The following SLC24A3 variants were observed in gnomAD, a reference collection of about 807,000 sequenced individuals.
The protein encoded by SLC24A3 is sodium/potassium/calcium exchanger 3.
In SLC24A3, 28 loss-of-function variants were observed where a neutral mutation model predicts 75.8. That is an observed-to-expected ratio of 0.37 (90% CI 0.27 to 0.51). The LOEUF (loss-of-function observed/expected upper bound fraction) is 0.51. SLC24A3 is among the 20% of genes least tolerant of loss of function. The probability of loss-of-function intolerance (pLI) is 0.94; values close to 1 mark genes in which losing one functional copy is unlikely to be tolerated. For missense variants in SLC24A3, 663 were observed against 847.8 expected (o/e 0.78, Z 2.71); for synonymous variants, 372 against 334.1 (o/e 1.11, Z -1.24).
chr20:19,395,276 C>G (rs552573138), intron 2 of SLC24A3, among the ~76,000 whole-genome samples: 62 of 152,170 alleles, frequency 4.1e-4, no homozygotes, highest in African/African-American at 1.5e-3. Context: ...CAAAAATGTG[C>G]GTATACTTAA....
At chr20:19,403,870 T>C (rs1986595530) in intron 2 of SLC24A3, among the ~76,000 whole-genome samples, 1 of 152,216 alleles carries the variant, frequency 6.6e-6, no homozygotes, top group Non-Finnish European at 1.5e-5. Context: ...CCAGTGGTTT[T>C]CTCGACCATT....
chr20:19,585,248 C>T (rs535189449), intron 5 of SLC24A3, among the ~76,000 whole-genome samples, 193 bp downstream of exon 5: 1 of 152,308 alleles, frequency 6.6e-6, no homozygotes, highest in Non-Finnish European at 1.5e-5. Flanking sequence ...TGTGCATGAA[C>T]TTGTCCCAGA....
At chr20:19,575,647 C>T (rs969485582) in intron 3 of SLC24A3, among the ~76,000 whole-genome samples, 1 of 152,314 alleles carries the variant, frequency 6.6e-6, no homozygotes, top group East Asian at 1.9e-4. Flanking sequence ...TCACTTGTAC[C>T]GGCTGCTGTA....
chr20:19,626,127 C>T (rs1162655094), intron 6 of SLC24A3, among the ~76,000 whole-genome samples: 1 of 152,096 alleles, frequency 6.6e-6, no homozygotes, highest in Non-Finnish European at 1.5e-5. Context: ...TTTCAACTTA[C>T]AGTAGTCACT....
rs1007944696 is a variant in SLC24A3, at chr20:19,447,364, G to A, written c.272-68124G>A. Among the ~76,000 whole-genome samples the A allele has an allele frequency of 7.2e-5, 11 of 152,250 alleles. No homozygotes were observed. The South Asian group carries it at 2.3e-3, about 32-fold the overall frequency. Reference sequence around the variant, plus strand: ...TTCTGGAGGGAAAGAAGGGTGCCTAGTGTTGTTTGCTCTGGAGAATGAGCA... The same window carrying A: ...TTCTGGAGGGAAAGAAGGGTGCCTAATGTTGTTTGCTCTGGAGAATGAGCA... On this transcript the variant is annotated intron_variant, in intron 2 of 16. Coordinates refer to ENST00000328041, the MANE Select transcript of SLC24A3 (RefSeq NM_020689.4).
At chr20:19,430,451 GA>G (rs1318311321) in intron 2 of SLC24A3, among the ~76,000 whole-genome samples, 1 of 152,120 alleles carries the variant, frequency 6.6e-6, no homozygotes, top group Non-Finnish European at 1.5e-5. Flanking sequence ...GGAGGAAAAG[GA>G]GGGAAAGGAC....
intron 1 of SLC24A3, among the ~76,000 whole-genome samples, chr20:19,256,189 A>G (rs137916175): frequency 1.3e-5 from 2 of 152,156 alleles, no homozygotes; most frequent in Admixed American, 1.3e-4. Flanking sequence ...TGCAACATGG[A>G]TGAATCTTGA....
At chr20:19,367,590 T>A (rs1192563122) in intron 2 of SLC24A3, among the ~76,000 whole-genome samples, 2 of 152,138 alleles carry the variant, frequency 1.3e-5, no homozygotes, top group Non-Finnish European at 2.9e-5. Context: ...AGTTGTCTAA[T>A]TAGATGCCCA....
intron 2 of SLC24A3, among the ~76,000 whole-genome samples, chr20:19,396,610 G>A (rs187947798): frequency 1.3e-5 from 2 of 152,278 alleles, no homozygotes; most frequent in Admixed American, 1.3e-4. Context: ...ATAAATAATA[G>A]CCACACATTG....
At chr20:19,558,629 G>A (rs1568655777) in intron 3 of SLC24A3, among the ~76,000 whole-genome samples, 1 of 152,088 alleles carries the variant, frequency 6.6e-6, no homozygotes, top group Admixed American at 6.5e-5. Flanking sequence ...GCCAGTTTAA[G>A]TTTGTCATCT....
chr20:19,564,918 C>G (rs1018170535), intron 3 of SLC24A3, among the ~76,000 whole-genome samples: 1 of 152,222 alleles, frequency 6.6e-6, no homozygotes, highest in African/African-American at 2.4e-5. Context: ...AAGCAATTCT[C>G]CTGCCTTAGC....
intron 6 of SLC24A3, among the ~76,000 whole-genome samples, chr20:19,625,983 A>G (rs539458818): frequency 6.6e-5 from 10 of 151,570 alleles, no homozygotes; most frequent in Admixed American, 1.3e-4. Context: ...TTTTCTTCCT[A>G]TTTATCTAGG....
chr20:19,464,105 T>C (rs1002618986), intron 2 of SLC24A3, among the ~76,000 whole-genome samples: 7 of 152,202 alleles, frequency 4.6e-5, no homozygotes, highest in Non-Finnish European at 8.8e-5. Context: ...TGGAGAAAGG[T>C]GTCATGAAAG....
Position 19,578,285 on chromosome 20 carries a change from C to T in SLC24A3, c.349-1715C>T, listed in dbSNP as rs1051893466. Among the ~76,000 whole-genome samples, 5 of 151,610 alleles carry T rather than the reference C, an allele frequency of 3.3e-5. No homozygotes were observed. In the East Asian group the frequency reaches 9.7e-4, roughly 29 times the overall value. On this transcript the variant is annotated intron_variant, in intron 3 of 16. Transcript: ENST00000328041. The stretch of plus-strand genomic sequence containing the variant: ...GGACGTGTGTGTGTGTGTGTGCATA[C>T]ATGCTTGCGTGTGTGTGCCTGTGGG...
intron 15 of SLC24A3, among the ~76,000 whole-genome samples, chr20:19,701,637 C>T (rs1455922192): frequency 1.3e-5 from 2 of 152,222 alleles, no homozygotes; most frequent in African/African-American, 4.8e-5. Flanking sequence ...ACTCAGAGTG[C>T]TGCATGCAGG....
chr20:19,701,342 G>T (rs764523846), intron 15 of SLC24A3, among the ~76,000 whole-genome samples: 5 of 121,386 alleles, frequency 4.1e-5, no homozygotes, highest in South Asian at 3.4e-4. Flanking sequence ...GGTGCCCCCC[G>T]AAACATATTT....
chr20:19,338,162 T>A (rs1985180985), intron 2 of SLC24A3, among the ~76,000 whole-genome samples: 1 of 152,186 alleles, frequency 6.6e-6, no homozygotes, highest in Admixed American at 6.5e-5. Context: ...AAAGAAGCTA[T>A]TAAATAAAGC....
chr20:19,485,940 C>A (rs1378014466), intron 2 of SLC24A3, among the ~76,000 whole-genome samples: 1 of 152,194 alleles, frequency 6.6e-6, no homozygotes, highest in Non-Finnish European at 1.5e-5. Flanking sequence ...CCAGGTGGTC[C>A]ATTGAGGGCC....
intron 2 of SLC24A3, among the ~76,000 whole-genome samples, chr20:19,291,706 C>A (rs1051068160): frequency 1.3e-5 from 2 of 152,218 alleles, no homozygotes; most frequent in East Asian, 1.9e-4. Flanking sequence ...AGTGGCTCAT[C>A]CATCCCTGTC....
Sources: gnomAD v4.1 joint callset for allele counts (sites outside exome capture counted in the v4.1 genomes callset) on GRCh38, gnomAD v4.1.1 for gene constraint, MANE v1.5 for transcripts, NCBI Gene and HGNC (gene_info 2026-07-23, HGNC 2026-07-21) for gene names.